The following HYAL4 variants were observed in gnomAD, a reference collection of about 807,000 sequenced individuals.
HYAL4 encodes the protein hyaluronidase 4, also known as hyaluronidase-4.
HYAL4 carries 37 observed loss-of-function variants against 35.2 expected under a neutral mutation model. The observed-to-expected ratio is 1.05, with a 90% CI of 0.81 to 1.38. The LOEUF (loss-of-function observed/expected upper bound fraction) is 1.38, where lower values mean the gene tolerates loss of function less well. Among genes scored for constraint, HYAL4 ranks in the 40% most tolerant of loss-of-function variants. The probability of loss-of-function intolerance (pLI) is 0.00; values close to 1 mark genes in which losing one functional copy is unlikely to be tolerated. For missense variants in HYAL4, 572 were observed against 572.4 expected, an observed-to-expected ratio of 1.00 and a Z score of 0.01; for synonymous variants, 198 against 203.2, an observed-to-expected ratio of 0.97 and a Z score of 0.22.
chr7:123,831,058 TGTG>T (rs1357040884), intron 1 of HYAL4, among the ~76,000 whole-genome samples: 2 of 152,210 alleles, frequency 1.3e-5, no homozygotes, highest in African/African-American at 4.8e-5. Context: ...TGATCCCAAA[TGTG>T]GTGGTATTAG....
At position 123,877,427 on chromosome 7, in the gene HYAL4, G is replaced by T. The variant is rs928569746; in HGVS notation, c.*272G>T. The T allele has an allele frequency of 1.3e-5, 4 of 308,496 alleles. No individual in the cohort carries two copies. The highest frequency in any genetic ancestry group is 8.6e-5 in the African/African-American group (4 of 46,702). The allele number at this position is 308,496 out of a possible 1,614,324, so 19.1% of individuals were successfully genotyped here. On this transcript the variant is annotated 3_prime_UTR_variant, in exon 5 of 5. Coordinates refer to ENST00000223026, the MANE Select transcript of HYAL4 (RefSeq NM_012269.3). ...AACTAGTATAATTTAGTCTTTTCAT[G>T]AATGTACATACATAAAATTATACAT...
the HYAL4 span, among the ~76,000 whole-genome samples, chr7:123,779,595 A>C: frequency 7.2e-5 from 11 of 152,172 alleles, no homozygotes; most frequent in African/African-American, 2.7e-4. Flanking sequence ...TTGAAGCTGC[A>C]TGATTGGTTC....
At chr7:123,859,608 C>A (rs939691637) in intron 2 of HYAL4, among the ~76,000 whole-genome samples, 1 of 152,014 alleles carries the variant, frequency 6.6e-6, no homozygotes, top group Admixed American at 6.6e-5. Context: ...ATGTTCTTGT[C>A]AGATTGCAGA....
rs1319047120 is a variant in HYAL4 at position 123,845,485 on chromosome 7, G to A, written c.-322G>A. 2 of 152,028 alleles carry A rather than the reference G, an allele frequency of 1.3e-5. No homozygotes were observed. Among genetic ancestry groups the A allele is most frequent in the East Asian group, 3.9e-4 (2 of 5,182 alleles). 9.4% of individuals were successfully genotyped at this position (152,028 alleles called of 1,614,324 possible). The stretch of plus-strand genomic sequence containing the variant: ...CAGCCTCCCAAAATGTTGGGTTACA[G>A]GGGTGAGCCACCGTGCCTTGCTATT... On this transcript the variant is annotated 5_prime_UTR_variant, in exon 1 of 5. Coordinates refer to ENST00000223026, the MANE Select transcript of HYAL4 (RefSeq NM_012269.3).
chr7:123,821,441 G>T, the HYAL4 span, among the ~76,000 whole-genome samples: 1 of 152,150 alleles, frequency 6.6e-6, no homozygotes, highest in East Asian at 1.9e-4. Context: ...TTAGCTCTTT[G>T]TATGTCTTCT....
chr7:123,852,519 TG>T (rs1474572496), intron 2 of HYAL4, among the ~76,000 whole-genome samples: 2 of 152,232 alleles, frequency 1.3e-5, no homozygotes, highest in Non-Finnish European at 2.9e-5. Context: ...TGCTTGTTTT[TG>T]TCAGGTTTGT....
In HYAL4 at chr7:123,868,343, C is replaced by T. The variant is rs149028871; in HGVS notation, c.70C>T (p.Leu24Phe). Reference sequence around the variant, plus strand: ...ACCAGTACATCTCACTTCATGGCTCCTTATATTTTTTATTCTAAAGTCTAT... The same window carrying T: ...ACCAGTACATCTCACTTCATGGCTCTTTATATTTTTTATTCTAAAGTCTAT... Reference protein sequence around the residue: ...VQPVHLTSWLLIFFILKSISC... With the variant: ...VQPVHLTSWLFIFFILKSISC... Residue 24 changes from leucine (L) to phenylalanine (F), a missense_variant, in exon 3 of 5, where the codon CTT (leucine) becomes TTT (phenylalanine). Leu to Phe is a conservative substitution (Grantham distance 22). Coordinates refer to ENST00000223026, the MANE Select transcript of HYAL4 (RefSeq NM_012269.3). 6.4e-5 allele frequency: 103 copies of T among 1,600,206 alleles called. No homozygotes were observed. The highest frequency in any genetic ancestry group is 1.1e-4 in the African/African-American group (8 of 73,738).
At chr7:123,864,253 C>A (rs1035916547) in intron 2 of HYAL4, among the ~76,000 whole-genome samples, 1 of 152,136 alleles carries the variant, frequency 6.6e-6, no homozygotes, top group Non-Finnish European at 1.5e-5. Flanking sequence ...CATTGAAAAT[C>A]ATTTGTTCAG....
the HYAL4 span, among the ~76,000 whole-genome samples, chr7:123,802,849 A>G: frequency 2.6e-5 from 4 of 152,244 alleles, no homozygotes. Context: ...AACATATGCA[A>G]TTGTATACTA....
chr7:123,868,330 C>T lies in HYAL4; in HGVS notation c.57C>T (p.Leu19=). The part of the protein sequence containing the change: ...LKLCVVQPVH[L]TSWLLIFFIL... ...TTTGTGTTGTTCAACCAGTACATCTCACTTCATGGCTCCTTATATTTTTTA... is the reference window on the plus strand; with the variant it reads ...TTTGTGTTGTTCAACCAGTACATCTTACTTCATGGCTCCTTATATTTTTTA... Residue 19 remains leucine, a synonymous_variant, in exon 3 of 5, where the codon CTC becomes CTT. Transcript: ENST00000223026. 6.3e-7 allele frequency: 1 copy of T among 1,593,308 alleles called. No homozygotes were observed. Among genetic ancestry groups the T allele is most frequent in the Non-Finnish European group, 8.5e-7 (1 of 1,174,254 alleles).
intron 2 of HYAL4, among the ~76,000 whole-genome samples, chr7:123,864,568 A>G (rs143673408): frequency 6.6e-6 from 1 of 152,076 alleles, no homozygotes; most frequent in Non-Finnish European, 1.5e-5. Flanking sequence ...GGATAATTGC[A>G]CAGGTTGCTA....
chr7:123,790,469 A>G, the HYAL4 span: 1 of 152,012 alleles, frequency 6.6e-6, no homozygotes, highest in Non-Finnish European at 1.5e-5. Flanking sequence ...TGTGCCATCT[A>G]CTAGTGCCAA....
the HYAL4 span, among the ~76,000 whole-genome samples, chr7:123,795,927 G>A: frequency 6.6e-6 from 1 of 152,296 alleles, no homozygotes; most frequent in Non-Finnish European, 1.5e-5. Flanking sequence ...CAATGGAGCA[G>A]AATAAAACTG....
the HYAL4 span, among the ~76,000 whole-genome samples, chr7:123,812,348 AAAAAT>A: frequency 6.7e-6 from 1 of 149,562 alleles, no homozygotes; most frequent in African/African-American, 2.5e-5. Flanking sequence ...AATAGCTAGA[AAAAAT>A]AAAATCTCAG....
chr7:123,800,119 C>G, the HYAL4 span, among the ~76,000 whole-genome samples: 1 of 151,134 alleles, frequency 6.6e-6, no homozygotes, highest in South Asian at 2.2e-4. Context: ...GCCGAGATCG[C>G]GCCACTGTAC....
At chr7:123,831,504 A>G (rs1805882175) in intron 1 of HYAL4, among the ~76,000 whole-genome samples, 1 of 152,166 alleles carries the variant, frequency 6.6e-6, no homozygotes, top group African/African-American at 2.4e-5. Context: ...TGGTTCAACA[A>G]CTTCTTAAAT....
the HYAL4 span, among the ~76,000 whole-genome samples, chr7:123,785,336 C>G: frequency 6.6e-6 from 1 of 152,184 alleles, no homozygotes; most frequent in Admixed American, 6.5e-5. This position sits in a 1 kb window ranked among gnomAD's most constrained non-coding sequence, Gnocchi z 4.5. Context: ...GTTCTCCCAC[C>G]TTGGCTTCCT....
chr7:123,826,976 A>G (rs1264138524), upstream of HYAL4, among the ~76,000 whole-genome samples: 1 of 152,124 alleles, frequency 6.6e-6, no homozygotes, highest in Non-Finnish European at 1.5e-5. Flanking sequence ...GTCTGGGAAG[A>G]GGGTCAGATT....
At chr7:123,779,359 A>G in the HYAL4 span, among the ~76,000 whole-genome samples, 3 of 152,190 alleles carry the variant, frequency 2.0e-5, no homozygotes, top group Non-Finnish European at 2.9e-5. Flanking sequence ...GGCAGTGACA[A>G]TGAAGGAGAA....
Sources: gnomAD v4.1 joint callset for allele counts (sites outside exome capture counted in the v4.1 genomes callset) on GRCh38, gnomAD v4.1.1 for gene constraint, Gnocchi (gnomAD v3.1) non-coding constraint, MANE v1.5 for transcripts, NCBI Gene and HGNC (gene_info 2026-07-23, HGNC 2026-07-21) for gene names.